The following ZNF804A variants were observed in gnomAD, a reference collection of about 807,000 sequenced individuals.
The protein encoded by ZNF804A is zinc finger protein 804A.
Under a neutral mutation model 16.5 loss-of-function variants are expected in ZNF804A, and 2 were observed. That is an observed-to-expected ratio of 0.12 (90% CI 0.05 to 0.38). The LOEUF (loss-of-function observed/expected upper bound fraction) is 0.38. Among genes scored for constraint, ZNF804A ranks in the 10% least tolerant of loss-of-function variants. ZNF804A has a pLI of 0.99. For missense variants in ZNF804A, 1,473 were observed against 1,390.7 expected (o/e 1.06, Z -0.94); for synonymous variants, 534 against 489.6 (o/e 1.09, Z -1.20).
At chr2:184,646,563 G>T (rs1381518881) in intron 1 of ZNF804A, among the ~76,000 whole-genome samples, 2 of 152,174 alleles carry the variant, frequency 1.3e-5, no homozygotes, top group Non-Finnish European at 2.9e-5. Context: ...TACCCAAGCA[G>T]ATCTCCAGGA....
At position 184,888,112 on chromosome 2, in the gene ZNF804A, C is replaced by T. The variant is rs538258206; in HGVS notation, c.255+21600C>T. Among the ~76,000 whole-genome samples, 12 of 152,028 alleles carry T rather than the reference C, an allele frequency of 7.9e-5. No individual in the cohort carries two copies. The East Asian group carries it at 1.7e-3, about 22-fold the overall frequency. ...ATATTACAGAACTGTACATGTAACCCTGAACCTAAAATAAAAATTTTTAAT... is the reference window on the plus strand; with the variant it reads ...ATATTACAGAACTGTACATGTAACCTTGAACCTAAAATAAAAATTTTTAAT... On this transcript the variant is annotated intron_variant, in intron 2 of 3. Transcript: ENST00000302277.
chr2:184,872,367 T>C (rs1245485033), intron 2 of ZNF804A, among the ~76,000 whole-genome samples: 2 of 152,110 alleles, frequency 1.3e-5, no homozygotes, highest in East Asian at 3.9e-4. Flanking sequence ...AAATAGGGGT[T>C]AAAATGCAGA....
At chr2:184,744,523 A>G (rs931107714) in intron 1 of ZNF804A, among the ~76,000 whole-genome samples, 2 of 151,870 alleles carry the variant, frequency 1.3e-5, no homozygotes, top group African/African-American at 2.4e-5. Flanking sequence ...AGGAATATCT[A>G]TGAACCAGAA....
intron 2 of ZNF804A, among the ~76,000 whole-genome samples, chr2:184,922,119 T>C (rs1441220231): frequency 6.6e-6 from 1 of 152,092 alleles, no homozygotes; most frequent in Non-Finnish European, 1.5e-5. Flanking sequence ...TTTCCTTTCT[T>C]TTGTGTATAG....
In ZNF804A at chr2:184,675,473, A is replaced by G. The variant is rs1692408065; in HGVS notation, c.111+76403A>G. Among the ~76,000 whole-genome samples, 4 of 151,750 alleles carry G rather than the reference A, an allele frequency of 2.6e-5. 1 individual carries two copies. Among genetic ancestry groups the G allele is most frequent in the Admixed American group, 2.6e-4 (4 of 15,244 alleles). Reference sequence around the variant, plus strand: ...TTAATTTTCTTGCATATGTTTGATAATTCTTTTTAAATAAACGGTAAGTTA... The same window carrying G: ...TTAATTTTCTTGCATATGTTTGATAGTTCTTTTTAAATAAACGGTAAGTTA... On this transcript the variant is annotated intron_variant, in intron 1 of 3. Coordinates refer to ENST00000302277, the MANE Select transcript of ZNF804A (RefSeq NM_194250.2).
chr2:184,891,527 A>C (rs902223177), intron 2 of ZNF804A, among the ~76,000 whole-genome samples: 1 of 152,178 alleles, frequency 6.6e-6, no homozygotes, highest in African/African-American at 2.4e-5. Flanking sequence ...GAAAAACTCA[A>C]CATGTCTATT....
intron 1 of ZNF804A, among the ~76,000 whole-genome samples, chr2:184,803,529 A>G (rs186838909): frequency 6.6e-6 from 1 of 152,308 alleles, no homozygotes. Flanking sequence ...TATGTGAATT[A>G]TCATATGTGC....
At chr2:184,753,180 CTTGT>C (rs1357393778) in intron 1 of ZNF804A, among the ~76,000 whole-genome samples, 2 of 151,502 alleles carry the variant, frequency 1.3e-5, no homozygotes, top group Non-Finnish European at 3.0e-5. Context: ...TAGTTTCACA[CTTGT>C]TTAATATCAA....
intron 1 of ZNF804A, among the ~76,000 whole-genome samples, chr2:184,624,063 C>T (rs937844980): frequency 3.3e-5 from 5 of 152,216 alleles, no homozygotes; most frequent in African/African-American, 4.8e-5. Flanking sequence ...GTCAGAATTC[C>T]TCATAATTGA....
intron 2 of ZNF804A, among the ~76,000 whole-genome samples, chr2:184,907,703 A>G (rs1685298424): frequency 6.6e-6 from 1 of 152,128 alleles, no homozygotes; most frequent in Non-Finnish European, 1.5e-5. Flanking sequence ...ACTCTAAAAT[A>G]AGGGAATATG....
At chr2:184,648,140 G>T (rs748807228) in intron 1 of ZNF804A, among the ~76,000 whole-genome samples, 7 of 152,002 alleles carry the variant, frequency 4.6e-5, no homozygotes, top group Non-Finnish European at 1.0e-4. Context: ...TGCCAACCAA[G>T]AATTTCATAT....
At chr2:184,703,019 C>A (rs1264073591) in intron 1 of ZNF804A, among the ~76,000 whole-genome samples, 1 of 152,092 alleles carries the variant, frequency 6.6e-6, no homozygotes, top group Non-Finnish European at 1.5e-5. Context: ...TCAGAATTTT[C>A]TGTCTGGCTT....
intron 1 of ZNF804A, among the ~76,000 whole-genome samples, chr2:184,773,911 A>G (rs1039278954): frequency 9.2e-5 from 14 of 151,988 alleles, no homozygotes; most frequent in African/African-American, 3.4e-4. Flanking sequence ...ATTAAGTGTT[A>G]ATGTAAAGTC....
chr2:184,655,689 T>C (rs1251348816), intron 1 of ZNF804A, among the ~76,000 whole-genome samples: 2 of 152,144 alleles, frequency 1.3e-5, no homozygotes, highest in Admixed American at 1.3e-4. Context: ...GAGGTTTTTT[T>C]TTCGTGGAGT....
intron 1 of ZNF804A, among the ~76,000 whole-genome samples, chr2:184,669,949 T>G (rs544383698): frequency 6.6e-6 from 1 of 152,274 alleles, no homozygotes; most frequent in East Asian, 1.9e-4. Context: ...TTGTTAATTA[T>G]TTCAGTGATG....
intron 2 of ZNF804A, among the ~76,000 whole-genome samples, chr2:184,930,876 T>G (rs1269259419): frequency 3.3e-5 from 5 of 152,218 alleles, no homozygotes; most frequent in Admixed American, 3.3e-4. Flanking sequence ...TATTAGTTCA[T>G]TCTCATGCTG....
chr2:184,798,854 GAGT>G lies in ZNF804A; in HGVS notation c.112-67512_112-67510del, dbSNP rs373669403. Among the ~76,000 whole-genome samples the G allele has an allele frequency of 3.3e-3, 499 of 152,152 alleles. 5 individuals are homozygous for G. The highest frequency in any genetic ancestry group is 0.011 in the African/African-American group (477 of 41,534). ...TTGGTTTTTTGGTTCCTTCTCATTT[GAGT>G]AGGCTATGTCAGAGGGAAGGTCTAG... On this transcript the variant is annotated intron_variant, in intron 1 of 3. Coordinates refer to ENST00000302277, the MANE Select transcript of ZNF804A (RefSeq NM_194250.2).
Position 184,729,758 on chromosome 2 carries a change from A to T in ZNF804A, c.111+130688A>T, listed in dbSNP as rs146674277. ...TAGCACTTATTACTATAGTGTCTAG[A>T]TATCTTGACAAATGTGTCATGCCAA... On this transcript the variant is annotated intron_variant, in intron 1 of 3. Coordinates refer to ENST00000302277, the MANE Select transcript of ZNF804A (RefSeq NM_194250.2). Among the ~76,000 whole-genome samples the T allele has an allele frequency of 1.3e-4, 20 of 152,250 alleles. No homozygotes were observed. In the Middle Eastern group the frequency reaches 0.01, roughly 78 times the overall value.
chr2:184,643,502 T>C (rs1691826029), intron 1 of ZNF804A, among the ~76,000 whole-genome samples: 2 of 152,000 alleles, frequency 1.3e-5, no homozygotes, highest in South Asian at 4.1e-4. Flanking sequence ...ATTCTTACAG[T>C]ATACCTATAA....
Sources: allele counts gnomAD v4.1 joint callset (sites outside exome capture counted in the v4.1 genomes callset), GRCh38; gene constraint gnomAD v4.1.1; transcripts MANE v1.5; gene names NCBI Gene and HGNC (gene_info 2026-07-23, HGNC 2026-07-21).